PLAAT5: variants seen among roughly 807,000 people sequenced by gnomAD.
PLAAT5 encodes the protein phospholipase A and acyltransferase 5, also known as Ca(2+)-independent N-acyltransferase.
Under a neutral mutation model 27.8 loss-of-function variants are expected in PLAAT5, and 27 were observed. The observed-to-expected ratio is 0.97, with a 90% confidence interval of 0.72 to 1.34. PLAAT5 has a LOEUF of 1.34. Ranked by LOEUF, PLAAT5 falls within the 40% of genes most tolerant of loss-of-function variation. The pLI, the probability that PLAAT5 is intolerant of heterozygous loss-of-function variation, is 0.00. For missense variants in PLAAT5, 368 were observed against 343.8 expected (o/e 1.07, Z -0.56); for synonymous variants, 125 against 136.1 (o/e 0.92, Z 0.57).
intron 3 of PLAAT5, chr11:63,470,251 A>G (rs2015987369): frequency 6.2e-6 from 1 of 160,070 alleles, no homozygotes; most frequent in Non-Finnish European, 1.4e-5. Context: ...CACAGTAGAG[A>G]GAAACCCTAT....
chr11:63,490,394 G>T, intron 1 of PLAAT5, 61 bp from the exon 2 acceptor site: 1 of 1,612,326 alleles, frequency 6.2e-7, no homozygotes, highest in South Asian at 1.1e-5. Context: ...CAAGCACCTT[G>T]ACCGCTACGG....
chr11:63,462,049 T>C lies in PLAAT5; in HGVS notation c.*1454A>G, dbSNP rs1321869719. On this transcript the variant is annotated 3_prime_UTR_variant, in exon 6 of 6. Coordinates refer to ENST00000540857, the MANE Select transcript of PLAAT5 (RefSeq NM_001146729.2). ...TTGGTGTGGAGGAGTTTTTTGTTAA[T>C]GAAACAACATCCAGTTTGTTTGATG... 6.6e-6 allele frequency: 1 copy of C among 152,218 alleles called. No individual in the cohort carries two copies. The highest frequency in any genetic ancestry group is 1.5e-5 in the Non-Finnish European group (1 of 68,038). 9.4% of individuals were successfully genotyped at this position (152,218 alleles called of 1,614,324 possible). A position where few individuals can be genotyped will look rare whatever the true frequency, so the allele number is the denominator to read the frequency against.
At chr11:63,477,378 G>A (rs2120281754) in intron 3 of PLAAT5, among the ~76,000 whole-genome samples, 1 of 152,228 alleles carries the variant, frequency 6.6e-6, no homozygotes, top group African/African-American at 2.4e-5. Context: ...TTTGTTTGTT[G>A]TTTGTTTAGT....
chr11:63,479,564 C>G (rs952904173), intron 3 of PLAAT5, among the ~76,000 whole-genome samples: 1 of 151,982 alleles, frequency 6.6e-6, no homozygotes, highest in Non-Finnish European at 1.5e-5. Flanking sequence ...ATTATTTTTT[C>G]CTTTCAGACA....
At chr11:63,476,899 AG>A (rs960106591) in intron 3 of PLAAT5, among the ~76,000 whole-genome samples, 4 of 151,624 alleles carry the variant, frequency 2.6e-5, no homozygotes, top group African/African-American at 4.9e-5. Context: ...TCTTCATACT[AG>A]GTAGTTGCTG....
chr11:63,480,649 T>C (rs972156702), intron 3 of PLAAT5, among the ~76,000 whole-genome samples: 4 of 152,324 alleles, frequency 2.6e-5, no homozygotes, highest in African/African-American at 4.8e-5. Flanking sequence ...GTCTGGAGTA[T>C]AGCCTGGGTG....
chr11:63,468,518 C>T (rs1222743739), intron 3 of PLAAT5, 53 bp from the exon 4 acceptor site: 15 of 1,374,016 alleles, frequency 1.1e-5, no homozygotes, highest in African/African-American at 1.4e-5. Flanking sequence ...ACTCCAGAGA[C>T]CTTGTTTTAG....
intron 3 of PLAAT5, among the ~76,000 whole-genome samples, chr11:63,480,682 G>T (rs1366282320): frequency 2.0e-5 from 3 of 152,198 alleles, no homozygotes; most frequent in Non-Finnish European, 4.4e-5. Context: ...AAGCTCCTTA[G>T]GTGAGTTTAA....
chr11:63,472,155 TG>T (rs1439142208), intron 3 of PLAAT5, among the ~76,000 whole-genome samples: 2 of 151,684 alleles, frequency 1.3e-5, no homozygotes, highest in Non-Finnish European at 2.9e-5. Context: ...ATTTTACCTA[TG>T]TAACAAACCT....
At position 63,491,090 on chromosome 11, in the gene PLAAT5, G is replaced by T; in HGVS notation, c.-56C>A. 4 of 1,300,250 alleles carry T rather than the reference G, an allele frequency of 3.1e-6. No homozygotes were observed. The highest frequency in any genetic ancestry group is 4.0e-6 in the Non-Finnish European group (4 of 1,012,622). The allele number at this position is 1,300,250 out of a possible 1,614,324, so 80.5% of individuals were successfully genotyped here. A position where few individuals can be genotyped will look rare whatever the true frequency, so the allele number is the denominator to read the frequency against. ...CCTTGCAGGGGACTACGCCCCTGGC[G>T]AGTTCCCAGTCGGCGCGGCCCCTGG... On this transcript the variant is annotated 5_prime_UTR_variant, in exon 1 of 6. Transcript: ENST00000540857.
rs757344128 is a variant in PLAAT5 at position 63,490,945 on chromosome 11, G to A, written c.90C>T (p.Ala30=). 1.3e-6 allele frequency: 2 copies of A among 1,598,580 alleles called. No homozygotes were observed. Among genetic ancestry groups the A allele is most frequent in the South Asian group, 1.1e-5 (1 of 89,120 alleles). ...PPLPKPASRT[A]STGPKDQPPA... is the part of the protein sequence containing the mutation. ...GCGGCTGGTCCTTGGGCCCGGTACT[G>A]GCGGTTCGCGAGGCGGGTTTGGGGA... Residue 30 remains alanine (A), a synonymous_variant, in exon 1 of 6, where the codon GCC becomes GCT. Transcript: ENST00000540857.
In PLAAT5 at chr11:63,488,851, A is replaced by G. The variant is rs773595875; in HGVS notation, c.345+20T>C. 1.3e-6 allele frequency: 2 copies of G among 1,548,114 alleles called. No individual in the cohort carries two copies. Among genetic ancestry groups the G allele is most frequent in the African/African-American group, 2.7e-5 (2 of 73,242 alleles). On this transcript the variant is annotated intron_variant, in intron 3 of 5. Coordinates refer to ENST00000540857, the MANE Select transcript of PLAAT5 (RefSeq NM_001146729.2). ...CAGGAGGTTAAAGATAGTCACTTTGAGAATTCTTGTTACACCTACCTCAGC... is the reference window on the plus strand; with the variant it reads ...CAGGAGGTTAAAGATAGTCACTTTGGGAATTCTTGTTACACCTACCTCAGC...
At chr11:63,476,760 T>C (rs938969172) in intron 3 of PLAAT5, among the ~76,000 whole-genome samples, 3 of 152,310 alleles carry the variant, frequency 2.0e-5, no homozygotes, top group African/African-American at 7.2e-5. Flanking sequence ...ATCTTTTATA[T>C]AGGTATTTTT....
At chr11:63,472,085 T>C (rs568397509) in intron 3 of PLAAT5, among the ~76,000 whole-genome samples, 2 of 152,232 alleles carry the variant, frequency 1.3e-5, no homozygotes, top group African/African-American at 4.8e-5. Flanking sequence ...CAATAGTGAA[T>C]GGATGCTGGA....
chr11:63,474,537 C>T (rs1213747451), intron 3 of PLAAT5, among the ~76,000 whole-genome samples: 1 of 152,084 alleles, frequency 6.6e-6, no homozygotes, highest in Admixed American at 6.6e-5. Context: ...CCAGTTTTGG[C>T]AATTTGAGTG....
intron 3 of PLAAT5, among the ~76,000 whole-genome samples, chr11:63,482,315 T>C (rs1054521458): frequency 6.6e-6 from 1 of 152,178 alleles, no homozygotes; most frequent in Non-Finnish European, 1.5e-5. Context: ...ATAGTCATCA[T>C]GTTATCTAAA....
At chr11:63,471,580 T>C (rs1033489834) in intron 3 of PLAAT5, among the ~76,000 whole-genome samples, 1 of 152,146 alleles carries the variant, frequency 6.6e-6, no homozygotes, top group African/African-American at 2.4e-5. Flanking sequence ...AGGTGCGCAA[T>C]GAAAATCTAA....
At chr11:63,473,267 T>C (rs557931275) in intron 3 of PLAAT5, among the ~76,000 whole-genome samples, 1 of 152,382 alleles carries the variant, frequency 6.6e-6, no homozygotes, top group East Asian at 1.9e-4. Flanking sequence ...GCGCCTTTTT[T>C]CAAACAGCGT....
At chr11:63,477,745 T>G (rs2016186397) in intron 3 of PLAAT5, among the ~76,000 whole-genome samples, 1 of 152,176 alleles carries the variant, frequency 6.6e-6, no homozygotes, top group South Asian at 2.1e-4. Context: ...AGTGCTGGGA[T>G]TACAGGCGTG....
Sources: gnomAD v4.1 joint callset for allele counts (sites outside exome capture counted in the v4.1 genomes callset) on GRCh38, gnomAD v4.1.1 for gene constraint, MANE v1.5 for transcripts, NCBI Gene and HGNC (gene_info 2026-07-23, HGNC 2026-07-21) for gene names.